The following ZNF337 variants were observed in gnomAD, a reference collection of about 807,000 sequenced individuals.
ZNF337 encodes zinc finger protein 337.
Under a neutral mutation model 12.1 loss-of-function variants are expected in ZNF337, and 8 were observed. The observed-to-expected ratio is 0.66, with a 90% CI of 0.39 to 1.19. The LOEUF (loss-of-function observed/expected upper bound fraction) is 1.19. Among genes scored for constraint, ZNF337 ranks in the 50% most tolerant of loss-of-function variants. ZNF337 has a pLI of 0.01. For synonymous variants in ZNF337, 336 were observed against 320.0 expected, an observed-to-expected ratio of 1.05 and a Z score of -0.53; for missense variants, 882 against 896.6, an observed-to-expected ratio of 0.98 and a Z score of 0.21.
intron 4 of ZNF337, among the ~76,000 whole-genome samples, chr20:25,685,359 G>C (rs927230693): frequency 1.3e-5 from 2 of 152,182 alleles, no homozygotes; most frequent in African/African-American, 4.8e-5. Flanking sequence ...TAGCAAGTAG[G>C]GGGAAAGGAG....
rs1312457671 is a variant in ZNF337 at position 25,676,654 on chromosome 20, C to T, written c.634G>A (p.Glu212Lys). 1.9e-6 allele frequency: 3 copies of T among 1,614,214 alleles called. No homozygotes were observed. The highest frequency in any genetic ancestry group is 2.5e-6 in the Non-Finnish European group (3 of 1,180,048). The stretch of plus-strand genomic sequence containing the variant: ...TCATCTCTAAAGCCCTGGTGACACT[C>T]CCTGCATGTAAAAAGTTTCTGCCTG... ...HSRQKLFTCR[E>K]CHQGFRDESA... Residue 212 changes from glutamate to lysine, a missense_variant, in exon 5 of 5, where the codon GAG becomes AAG. Glu to Lys is a moderately conservative substitution (Grantham distance 56, BLOSUM62 1). Coordinates refer to ENST00000252979, the MANE Select transcript of ZNF337 (RefSeq NM_015655.4).
Position 25,674,739 on chromosome 20 carries a change from C to T in ZNF337, c.*293G>A, listed in dbSNP as rs1450221987. 7 of 404,586 alleles carry T rather than the reference C, an allele frequency of 1.7e-5. No individual in the cohort carries two copies. Among genetic ancestry groups the T allele is most frequent in the African/African-American group, 4.0e-5 (2 of 49,814 alleles). The allele number at this position is 404,586 out of a possible 1,614,324, so 25.1% of individuals were successfully genotyped here. ...GGCTAAGAGCAGTCCTTAGAAAGCA[C>T]AGCCTGGCACAAATACAACAAGAAT... On this transcript the variant is annotated 3_prime_UTR_variant, in exon 5 of 5. Coordinates refer to ENST00000252979, the MANE Select transcript of ZNF337 (RefSeq NM_015655.4).
At chr20:25,693,750 G>C (rs2065899252) in intron 1 of ZNF337, among the ~76,000 whole-genome samples, 1 of 152,156 alleles carries the variant, frequency 6.6e-6, no homozygotes. Context: ...CCATGGTTTA[G>C]GGCAGAGAAG....
intron 3 of ZNF337, 33 bp from the exon 4 acceptor site, chr20:25,685,695 C>T: frequency 6.3e-7 from 1 of 1,595,174 alleles, no homozygotes; most frequent in Non-Finnish European, 8.6e-7. Context: ...TGAGGTGACT[C>T]CTGGTTGTAG....
chr20:25,685,751 G>C, intron 3 of ZNF337, 89 bp from the exon 4 acceptor site: 1 of 1,274,398 alleles, frequency 7.8e-7, no homozygotes, highest in Admixed American at 1.7e-5. Flanking sequence ...GGAAGGGAGG[G>C]AGAATCAGAG....
chr20:25,696,089 C>A lies in ZNF337; in HGVS notation c.-50+670G>T, dbSNP rs1434949211. 5.2e-4 allele frequency among the ~76,000 whole-genome samples: 27 copies of A among 51,632 alleles called. 2 individuals are homozygous for A. Among genetic ancestry groups the A allele is most frequent in the African/African-American group, 3.1e-3 (25 of 7,944 alleles). 33.9% of individuals were successfully genotyped at this position (51,632 alleles called of 152,430 possible). The stretch of plus-strand genomic sequence containing the variant: ...CCGCGGACGCTGCCCCACGCAGATC[C>A]CCCCCCCCCCCCACCAAAACACGTC... On this transcript the variant is annotated intron_variant, in intron 1 of 4. Coordinates refer to ENST00000252979, the MANE Select transcript of ZNF337 (RefSeq NM_015655.4).
chr20:25,680,647 A>C (rs1370938526), intron 4 of ZNF337: 1 of 152,202 alleles, frequency 6.6e-6, no homozygotes, highest in Admixed American at 6.5e-5. Context: ...ATATGATTAT[A>C]TGACCTTTCC....
At chr20:25,690,180 T>G (rs1446161286) in intron 1 of ZNF337, among the ~76,000 whole-genome samples, 1 of 152,192 alleles carries the variant, frequency 6.6e-6, no homozygotes, top group Non-Finnish European at 1.5e-5. Flanking sequence ...TAGCTACTCC[T>G]GGCTTGAGCC....
intron 1 of ZNF337, among the ~76,000 whole-genome samples, chr20:25,692,010 AGAAG>A (rs1458219693): frequency 9.2e-5 from 14 of 152,282 alleles, no homozygotes; most frequent in Admixed American, 3.3e-4. Flanking sequence ...CCTGGCAGGC[AGAAG>A]GAAGGAAGGG....
chr20:25,677,597 G>C (rs1443214813), intron 4 of ZNF337: 2 of 152,366 alleles, frequency 1.3e-5, no homozygotes, highest in Admixed American at 1.3e-4. Flanking sequence ...GCAGTGGCAT[G>C]ATCATGGCTC....
chr20:25,677,131 A>G (rs1017245819), intron 4 of ZNF337, 94 bp from the exon 5 acceptor site: 18 of 1,034,154 alleles, frequency 1.7e-5, no homozygotes, highest in Middle Eastern at 4.6e-4. Flanking sequence ...GCTTAATTCT[A>G]ATAAACTCAT....
chr20:25,681,730 A>G (rs1459451638), intron 4 of ZNF337, among the ~76,000 whole-genome samples: 4 of 152,190 alleles, frequency 2.6e-5, no homozygotes, highest in Non-Finnish European at 5.9e-5. Flanking sequence ...AGATTACACA[A>G]AGTTATGCAT....
chr20:25,681,952 A>G, intron 4 of ZNF337, among the ~76,000 whole-genome samples: 1 of 152,226 alleles, frequency 6.6e-6, no homozygotes, highest in East Asian at 1.9e-4. Flanking sequence ...TAAGTAAGCG[A>G]TAAAGAATAC....
At position 25,685,588 on chromosome 20, in the gene ZNF337, G is replaced by T. The variant is rs773542852; in HGVS notation, c.229C>A (p.Arg77Ser). 6.2e-7 allele frequency: 1 copy of T among 1,614,152 alleles called. No individual in the cohort carries two copies. The change falls in exon 4 of 5, where the codon CGC becomes AGC. Residue 77 changes from arginine to serine, a missense_variant. Arg to Ser is a moderately radical substitution (Grantham distance 110, BLOSUM62 -1). Coordinates refer to ENST00000252979, the MANE Select transcript of ZNF337 (RefSeq NM_015655.4). Reference sequence around the variant, plus strand: ...TCACCTGCACAGGGGCCTGGCCGGCGTCTTCTCTCTTCTCCCCAGGGCACT... The same window carrying T: ...TCACCTGCACAGGGGCCTGGCCGGCTTCTTCTCTCTTCTCCCCAGGGCACT... The part of the protein sequence containing the change: ...GEVPWGEERR[R>S]RPGPCAGIYA...
At position 25,675,582 on chromosome 20, in the gene ZNF337, T is replaced by TC. The variant is rs769306890; in HGVS notation, c.1705dup (p.Glu569GlyfsTer5). ...GCAATCCTTGCAATTAAATGGCCTT[T>TC]CCCCCGAGTGTGTCCACTGATGTCT... is the stretch of plus-strand genomic sequence containing the variant. On this transcript the variant is annotated frameshift_variant, in exon 5 of 5. Transcript: ENST00000252979. LOFTEE classifies it low-confidence loss of function (END_TRUNC). 9.9e-6 allele frequency: 16 copies of TC among 1,613,994 alleles called. No individual in the cohort carries two copies. Among genetic ancestry groups the TC allele is most frequent in the Non-Finnish European group, 1.4e-5 (16 of 1,179,984 alleles).
Position 25,686,167 on chromosome 20 carries a change from C to T in ZNF337, c.28-45G>A, listed in dbSNP as rs768571563. 6.2e-6 allele frequency: 10 copies of T among 1,611,468 alleles called. No individual in the cohort carries two copies. The South Asian group carries it at 9.9e-5, about 16-fold the overall frequency. On this transcript the variant is annotated intron_variant, in intron 2 of 4. Transcript: ENST00000252979. ...CATGCTCACCAGGGACAGTGTTGCACTCACGCAGTTGGAGGATTCCAGGTT... is the reference window on the plus strand; with the variant it reads ...CATGCTCACCAGGGACAGTGTTGCATTCACGCAGTTGGAGGATTCCAGGTT...
chr20:25,690,475 C>T (rs1014238176), intron 1 of ZNF337, among the ~76,000 whole-genome samples: 4 of 152,172 alleles, frequency 2.6e-5, no homozygotes, highest in Non-Finnish European at 5.9e-5. Flanking sequence ...TTTCCACTTC[C>T]TTCCCTCAAA....
intron 1 of ZNF337, among the ~76,000 whole-genome samples, chr20:25,692,707 T>C (rs539437288): frequency 6.6e-6 from 1 of 152,258 alleles, no homozygotes; most frequent in South Asian, 2.1e-4. Flanking sequence ...TTGCCATCTG[T>C]GGGAGTTAAT....
In ZNF337 at chr20:25,685,671, A is replaced by C. The variant is rs779703904; in HGVS notation, c.155-9T>G. 1 of 1,612,498 alleles carries C rather than the reference A, an allele frequency of 6.2e-7. No individual in the cohort carries two copies. Among genetic ancestry groups the C allele is most frequent in the South Asian group, 1.1e-5 (1 of 91,034 alleles). ...TTTAGAATGGAGAATTCCTGCTCAC[A>C]GGGAAAAAAACCATGAGGTGACTCC... is the stretch of plus-strand genomic sequence containing the variant. On this transcript the variant is annotated splice_polypyrimidine_tract_variant and intron_variant, in intron 3 of 4. Coordinates refer to ENST00000252979, the MANE Select transcript of ZNF337 (RefSeq NM_015655.4).
Sources: gnomAD v4.1 joint callset for allele counts (sites outside exome capture counted in the v4.1 genomes callset) on GRCh38, gnomAD v4.1.1 for gene constraint, MANE v1.5 for transcripts, NCBI Gene and HGNC (gene_info 2026-07-23, HGNC 2026-07-21) for gene names.